KIAA0319: variants seen among roughly 807,000 people sequenced by gnomAD.
KIAA0319 encodes dyslexia-associated protein KIAA0319.
Under a neutral mutation model 108.4 loss-of-function variants are expected in KIAA0319, and 83 were observed. The observed-to-expected ratio is 0.77, with a 90% CI of 0.64 to 0.92. KIAA0319 has a LOEUF of 0.92. Among genes scored for constraint, KIAA0319 ranks in the 40% least tolerant of loss-of-function variants. KIAA0319 has a pLI of 0.00. For synonymous variants in KIAA0319, 484 were observed against 510.4 expected, an observed-to-expected ratio of 0.95 and a Z score of 0.70; for missense variants, 1,195 against 1,322.4, an observed-to-expected ratio of 0.90 and a Z score of 1.49.
At chr6:24,569,343 A>C (rs965036835) in intron 12 of KIAA0319, among the ~76,000 whole-genome samples, 2 of 152,214 alleles carry the variant, frequency 1.3e-5, no homozygotes, top group Non-Finnish European at 2.9e-5. Flanking sequence ...CAGTATAGTC[A>C]CTAAGATCGG....
Position 24,576,403 on chromosome 6 carries a change from C to T in KIAA0319, c.1699G>A (p.Gly567Ser), listed in dbSNP as rs2744559. 0.032 allele frequency: 51,390 copies of T among 1,613,952 alleles called. 2,527 individuals carry two copies. The highest frequency in any genetic ancestry group is 0.23 in the African/African-American group (17,543 of 74,916). Residue 567 changes from glycine (G) to serine (S), a missense_variant, in exon 10 of 21, where the codon GGT (glycine) becomes AGT (serine). Transcript: ENST00000378214. Reference sequence around the variant, plus strand: ...ACATGTTTGCCCTCACTCCCAGGACCCAGGGACCACTCATAGAGGACAATC... The same window carrying T: ...ACATGTTTGCCCTCACTCCCAGGACTCAGGGACCACTCATAGAGGACAATC... ...HQIVLYEWSL[G>S]PGSEGKHVVM...
chr6:24,543,396 G>A (rs911699798), downstream of KIAA0319, among the ~76,000 whole-genome samples: 1 of 152,180 alleles, frequency 6.6e-6, no homozygotes, highest in Admixed American at 6.5e-5. Flanking sequence ...ATTGTATTAT[G>A]TGCAGTTTAC....
At position 24,596,604 on chromosome 6, in the gene KIAA0319, G is replaced by A. The variant is rs1299145378; in HGVS notation, c.70C>T (p.Gln24Ter). ...LVTIAGCARK[Q>*]CSEGRTYSNA... ...GAATATGTCCTCCCCTCGCTGCACT[G>A]CTTACGGGCACAACCTTTAAACAAA... Residue 24 changes from glutamine (Q) to a stop codon, truncating the protein, a stop_gained, in exon 3 of 21, where the codon CAG becomes TAG. Transcript: ENST00000378214. LOFTEE classifies it high-confidence loss of function. The A allele has an allele frequency of 2.5e-6, 4 of 1,605,876 alleles. No homozygotes were observed. Among genetic ancestry groups the A allele is most frequent in the Non-Finnish European group, 3.4e-6 (4 of 1,174,336 alleles).
chr6:24,572,862 TCC>T (rs1764921856), intron 10 of KIAA0319, among the ~76,000 whole-genome samples, 164 bp from the exon 11 acceptor site: 1 of 152,160 alleles, frequency 6.6e-6, no homozygotes, highest in Admixed American at 6.5e-5. Context: ...ACATCTGTAA[TCC>T]CAGCACTTTA....
At chr6:24,589,525 A>G (rs1768123693) in intron 3 of KIAA0319, among the ~76,000 whole-genome samples, 1 of 150,142 alleles carries the variant, frequency 6.7e-6, no homozygotes, top group Non-Finnish European at 1.5e-5. Context: ...GGTTCCCCCC[A>G]TGCTGTTCTC....
rs1768828844 is a variant in KIAA0319 at position 24,593,402 on chromosome 6, T to C, written c.801+2471A>G. 2.1e-5 allele frequency among the ~76,000 whole-genome samples: 3 copies of C among 145,708 alleles called. No individual in the cohort carries two copies. The South Asian group carries it at 6.8e-4, about 33-fold the overall frequency. On this transcript the variant is annotated intron_variant, in intron 3 of 20. Coordinates refer to ENST00000378214, the MANE Select transcript of KIAA0319 (RefSeq NM_014809.4). ...AATAATTATCTTTTTTTTTTTTTTTTTTTTTTTTGAGATAGAGTCTCGCCC... is the reference window on the plus strand; with the variant it reads ...AATAATTATCTTTTTTTTTTTTTTTCTTTTTTTTGAGATAGAGTCTCGCCC...
intron 1 of KIAA0319, among the ~76,000 whole-genome samples, chr6:24,638,965 T>C (rs1776569391): frequency 6.6e-6 from 1 of 152,052 alleles, no homozygotes; most frequent in African/African-American, 2.4e-5. Context: ...ATAAATGAGG[T>C]GATGGATAGG....
At chr6:24,617,820 C>G (rs1773374884) in intron 1 of KIAA0319, among the ~76,000 whole-genome samples, 1 of 152,076 alleles carries the variant, frequency 6.6e-6, no homozygotes, top group African/African-American at 2.4e-5. Context: ...AATCCCATCT[C>G]TACTAAAAAT....
intron 6 of KIAA0319, 87 bp downstream of exon 6, chr6:24,582,162 G>A (rs892992032): frequency 1.5e-5 from 12 of 784,872 alleles, no homozygotes; most frequent in Non-Finnish European, 2.5e-5. Flanking sequence ...GAAGAAAGAC[G>A]TTTGGGTTCA....
In KIAA0319 at chr6:24,599,900, A is replaced by G; in HGVS notation, c.55+1149T>C. 1 of 320,516 alleles carries G rather than the reference A, an allele frequency of 3.1e-6. No homozygotes were observed. Among genetic ancestry groups the G allele is most frequent in the Non-Finnish European group, 5.9e-6 (1 of 168,972 alleles). 19.9% of individuals were successfully genotyped at this position (320,516 alleles called of 1,614,324 possible). On this transcript the variant is annotated intron_variant, in intron 2 of 20. Coordinates refer to ENST00000378214, the MANE Select transcript of KIAA0319 (RefSeq NM_014809.4). The surrounding 1 kb of genome is among the most constrained non-coding windows in gnomAD (Gnocchi z 4.1). ...GGAACAGGAGACCCACCTGAGGCTC[A>G]GCGCTCGCCCTCAGCCGACCCGCGG... is the stretch of plus-strand genomic sequence containing the variant.
chr6:24,557,332 C>A (rs1456772072), intron 17 of KIAA0319, among the ~76,000 whole-genome samples: 1 of 151,910 alleles, frequency 6.6e-6, no homozygotes, highest in Non-Finnish European at 1.5e-5. Flanking sequence ...CGAAACCCCA[C>A]CTCTACTAAA....
At chr6:24,561,709 ATTTTTTT>A (rs560111898) in intron 16 of KIAA0319, among the ~76,000 whole-genome samples, 2 of 144,458 alleles carry the variant, frequency 1.4e-5, no homozygotes, top group Non-Finnish European at 3.1e-5. Flanking sequence ...TGCCTGGCTA[ATTTTTTT>A]TTTTTTTAAG....
intron 1 of KIAA0319, among the ~76,000 whole-genome samples, chr6:24,614,182 G>C (rs144930762): frequency 5.3e-5 from 8 of 152,310 alleles, no homozygotes; most frequent in Non-Finnish European, 1.0e-4. Flanking sequence ...ATGTTGGAAG[G>C]AGCCAGCCTT....
At chr6:24,642,522 T>C (rs1181336361) in intron 1 of KIAA0319, among the ~76,000 whole-genome samples, 1 of 152,080 alleles carries the variant, frequency 6.6e-6, no homozygotes. Flanking sequence ...TGAATAAACA[T>C]CCTATCAACT....
At chr6:24,604,878 T>G (rs1002420790) in intron 1 of KIAA0319, among the ~76,000 whole-genome samples, 8 of 152,196 alleles carry the variant, frequency 5.3e-5, no homozygotes, top group Non-Finnish European at 1.2e-4. Flanking sequence ...TTCGCTCTTG[T>G]CACCCAGGCT....
chr6:24,566,885 T>A lies in KIAA0319; in HGVS notation c.2141-137A>T, dbSNP rs909155149. 3 of 724,306 alleles carry A rather than the reference T, an allele frequency of 4.1e-6. No homozygotes were observed. The African/African-American group carries it at 5.4e-5, about 13-fold the overall frequency. The allele number at this position is 724,306 out of a possible 1,614,324, so 44.9% of individuals were successfully genotyped here. On this transcript the variant is annotated intron_variant, in intron 13 of 20. Transcript: ENST00000378214. ...AGAATTAAAATATCCAAAAAGGCAT[T>A]TTTTTCCCCAGATGCATATAAGATA... is the stretch of plus-strand genomic sequence containing the variant.
Position 24,580,922 on chromosome 6 carries a change from T to C in KIAA0319, c.1279+4A>G, listed in dbSNP as rs374538160. The C allele has an allele frequency of 8.7e-6, 14 of 1,600,096 alleles. No homozygotes were observed. Among genetic ancestry groups the C allele is most frequent in the Non-Finnish European group, 1.0e-5 (12 of 1,167,902 alleles). ...CAGGAGGTCATTCTCTTACACCGGC[T>C]TACCAGGCTTAACAGTGACATTGAC... On this transcript the variant is annotated splice_donor_region_variant and intron_variant, in intron 7 of 20. Coordinates refer to ENST00000378214, the MANE Select transcript of KIAA0319 (RefSeq NM_014809.4).
chr6:24,547,062 A>C lies in KIAA0319; in HGVS notation c.*103T>G. ...GGATACACATCTAACCCACTGGGGA[A>C]GAAGGTCAATGAACTATTCTAAAAG... is the stretch of plus-strand genomic sequence containing the variant. On this transcript the variant is annotated 3_prime_UTR_variant, in exon 21 of 21. Coordinates refer to ENST00000378214, the MANE Select transcript of KIAA0319 (RefSeq NM_014809.4). 5.7e-6 allele frequency: 7 copies of C among 1,233,066 alleles called. No homozygotes were observed. The highest frequency in any genetic ancestry group is 8.1e-6 in the Non-Finnish European group (7 of 860,400). 76.4% of individuals were successfully genotyped at this position (1,233,066 alleles called of 1,614,324 possible). A position where few individuals can be genotyped will look rare whatever the true frequency, so the allele number is the denominator to read the frequency against.
chr6:24,553,216 C>T (rs963778683), intron 19 of KIAA0319, among the ~76,000 whole-genome samples: 6 of 149,380 alleles, frequency 4.0e-5, no homozygotes, highest in Admixed American at 4.0e-4. Flanking sequence ...TAACAGTATA[C>T]TTCCAGAACT....
Sources: gnomAD v4.1 joint callset for allele counts (sites outside exome capture counted in the v4.1 genomes callset) on GRCh38, gnomAD v4.1.1 for gene constraint, Gnocchi (gnomAD v3.1) non-coding constraint, MANE v1.5 for transcripts, NCBI Gene and HGNC (gene_info 2026-07-23, HGNC 2026-07-21) for gene names.